ABL1: variants seen among roughly 807,000 people sequenced by gnomAD.
ABL1 encodes tyrosine-protein kinase ABL1.
ABL1 carries 11 observed loss-of-function variants against 94.7 expected under a neutral mutation model. The observed-to-expected ratio is 0.12, with a 90% CI of 0.07 to 0.19. The LOEUF (loss-of-function observed/expected upper bound fraction) is 0.19. Among genes scored for constraint, ABL1 ranks in the 10% least tolerant of loss-of-function variants. The pLI is 1.00. For synonymous variants in ABL1, 656 were observed against 622.4 expected (o/e 1.05, Z -0.80); for missense variants, 1,082 against 1,489.4 (o/e 0.73, Z 4.50).
chr9:130,859,111 CAT>C (rs1366921492), intron 3 of ABL1, among the ~76,000 whole-genome samples: 5 of 152,220 alleles, frequency 3.3e-5, no homozygotes, highest in African/African-American at 1.2e-4. Context: ...CCTCTGTTGA[CAT>C]AGCGGAATTG....
chr9:130,844,396 C>T (rs1427982839), intron 1 of ABL1, among the ~76,000 whole-genome samples: 3 of 152,136 alleles, frequency 2.0e-5, no homozygotes, highest in Admixed American at 1.3e-4. Flanking sequence ...TCAGAATGGC[C>T]TTGAAGATAG....
rs141181174 is a variant in ABL1 at position 130,735,961 on chromosome 9, A to ATTTTT, written c.136+21514_136+21518dup. ...TATATATATATATATATATATATATATTTTTTTTTTTTAAGACAGGGTCTG... is the reference window on the plus strand; with the variant it reads ...TATATATATATATATATATATATATATTTTTTTTTTTTTTTTTAAGACAGGGTCTG... On this transcript the variant is annotated intron_variant, in intron 1 of 10. Coordinates refer to the ABL1 transcript ENST00000372348. 1.2e-3 allele frequency among the ~76,000 whole-genome samples: 113 copies of ATTTTT among 94,836 alleles called. 7 individuals are homozygous for ATTTTT. The highest frequency in any genetic ancestry group is 5.9e-3 in the African/African-American group (93 of 15,684). The allele number at this position is 94,836 out of a possible 152,430, so 62.2% of individuals were successfully genotyped here.
intron 1 of ABL1, among the ~76,000 whole-genome samples, chr9:130,727,166 T>G (rs1386284966): frequency 6.6e-6 from 1 of 152,220 alleles, no homozygotes; most frequent in East Asian, 1.9e-4. Flanking sequence ...TGTTTCATGC[T>G]TTTGTTTAAA....
At chr9:130,883,928 A>AGAGTTGTCTG (rs1468104458) in intron 10 of ABL1, 41 bp from the exon 11 acceptor site, 14 of 1,568,246 alleles carry the variant, frequency 8.9e-6, no homozygotes, top group African/African-American at 1.4e-5. Flanking sequence ...GTCAGCCTCT[A>AGAGTTGTCTG]GAGTTGTCTG....
At chr9:130,730,810 C>T (rs1831654819) in intron 1 of ABL1, among the ~76,000 whole-genome samples, 1 of 150,242 alleles carries the variant, frequency 6.7e-6, no homozygotes, top group Non-Finnish European at 1.5e-5. Flanking sequence ...GAGGTCAAAC[C>T]ATCCACCCAC....
At position 130,880,299 on chromosome 9, in the gene ABL1, A is replaced by C; in HGVS notation, c.1513+142A>C. On this transcript the variant is annotated intron_variant, in intron 9 of 10. Transcript: ENST00000318560. The surrounding 1 kb of genome is among the most constrained non-coding windows in gnomAD (Gnocchi z 4.4). The stretch of plus-strand genomic sequence containing the variant: ...ACCAGAAAGCTGGGCAGAGGTGTGG[A>C]GTATTGTGCTTTCTTGTCTGCTGCA... The C allele has an allele frequency of 9.1e-7, 1 of 1,103,368 alleles. No individual in the cohort carries two copies. The highest frequency in any genetic ancestry group is 2.4e-5 in the East Asian group (1 of 41,626). The allele number at this position is 1,103,368 out of a possible 1,614,324, so 68.3% of individuals were successfully genotyped here. A position where few individuals can be genotyped will look rare whatever the true frequency, so the allele number is the denominator to read the frequency against.
chr9:130,814,653 G>T lies in ABL1; in HGVS notation c.137-39411G>T, dbSNP rs34902387. On this transcript the variant is annotated intron_variant, in intron 1 of 10. Coordinates refer to the ABL1 transcript ENST00000372348. This position sits in a 1 kb window ranked among gnomAD's most constrained non-coding sequence, Gnocchi z 4.4. ...AGCACTTTGGTAGGCCGAGGTGGGC[G>T]GATCACGAGGTCAGGAGACCGAGAC... is the stretch of plus-strand genomic sequence containing the variant. Among the ~76,000 whole-genome samples, 2 of 152,082 alleles carry T rather than the reference G, an allele frequency of 1.3e-5. No individual in the cohort carries two copies. Among genetic ancestry groups the T allele is most frequent in the East Asian group, 3.9e-4 (2 of 5,176 alleles).
intron 1 of ABL1, among the ~76,000 whole-genome samples, chr9:130,718,593 G>A (rs976974464): frequency 6.6e-6 from 1 of 152,134 alleles, no homozygotes; most frequent in African/African-American, 2.4e-5. Context: ...AGATTAAAAA[G>A]TTTGAGGCCA....
chr9:130,725,759 T>TTG (rs577311267), intron 1 of ABL1, among the ~76,000 whole-genome samples: 1 of 151,432 alleles, frequency 6.6e-6, no homozygotes, highest in Admixed American at 6.6e-5. Context: ...TAATATCCCA[T>TTG]TGTGTGTGTA....
At chr9:130,849,125 A>G (rs1334359226) in intron 1 of ABL1, among the ~76,000 whole-genome samples, 3 of 152,164 alleles carry the variant, frequency 2.0e-5, no homozygotes, top group Non-Finnish European at 4.4e-5. Context: ...TCAAACTTAA[A>G]TATTTTTTCC....
intron 1 of ABL1, among the ~76,000 whole-genome samples, chr9:130,815,109 G>GGGCA (rs1830265262): frequency 6.6e-6 from 1 of 151,970 alleles, no homozygotes; most frequent in Non-Finnish European, 1.5e-5. Flanking sequence ...TGAGGCAGGT[G>GGGCA]GATCACCTGA....
intron 1 of ABL1, among the ~76,000 whole-genome samples, chr9:130,812,550 TAAAC>T (rs144479141): frequency 0.036 from 5,429 of 152,242 alleles, 301 homozygotes; most frequent in African/African-American, 0.12. Flanking sequence ...AGTGGCATAT[TAAAC>T]AAACTATATT....
intron 1 of ABL1, among the ~76,000 whole-genome samples, chr9:130,836,716 TCGGGAGG>T (rs1035326644): frequency 9.3e-5 from 14 of 150,754 alleles, no homozygotes; most frequent in Admixed American, 3.3e-4. Flanking sequence ...TCCCAGCTAC[TCGGGAGG>T]CTGAGGCAGG....
intron 7 of ABL1, among the ~76,000 whole-genome samples, chr9:130,875,591 GT>G (rs1358201171): frequency 6.6e-6 from 1 of 152,010 alleles, no homozygotes; most frequent in Non-Finnish European, 1.5e-5. Flanking sequence ...CATCCTTAGA[GT>G]TTCGTACGTT....
intron 1 of ABL1, among the ~76,000 whole-genome samples, chr9:130,726,577 T>C (rs773783968): frequency 1.3e-5 from 2 of 152,240 alleles, no homozygotes; most frequent in Non-Finnish European, 1.5e-5. Flanking sequence ...AAAAAATTTG[T>C]TAACTTTCTC....
chr9:130,781,291 CA>C (rs1243563161), intron 1 of ABL1, among the ~76,000 whole-genome samples: 2 of 152,168 alleles, frequency 1.3e-5, no homozygotes, highest in African/African-American at 4.8e-5. Context: ...ACAGGATACA[CA>C]GTAGGGTGAT....
chr9:130,792,312 A>T (rs999383864), intron 1 of ABL1, among the ~76,000 whole-genome samples: 3 of 152,024 alleles, frequency 2.0e-5, no homozygotes, highest in Non-Finnish European at 2.9e-5. Context: ...CAACTAGAGG[A>T]TTTTACTTTC....
Position 130,885,692 on chromosome 9 carries a change from A to G in ABL1, c.*9A>G, listed in dbSNP as rs755915481. 1 of 1,604,190 alleles carries G rather than the reference A, an allele frequency of 6.2e-7. No homozygotes were observed. The highest frequency in any genetic ancestry group is 8.5e-7 in the Non-Finnish European group (1 of 1,174,462). On this transcript the variant is annotated 3_prime_UTR_variant, in exon 11 of 11. Transcript: ENST00000318560. ...ACATAGTGCAGAGGTAGCAGCAGTCAGGGGTCAGGTGTCAGGCCCGTCGGA... is the reference window on the plus strand; with the variant it reads ...ACATAGTGCAGAGGTAGCAGCAGTCGGGGGTCAGGTGTCAGGCCCGTCGGA...
intron 1 of ABL1, among the ~76,000 whole-genome samples, chr9:130,795,202 A>T (rs2132815335): frequency 6.6e-6 from 1 of 152,292 alleles, no homozygotes; most frequent in East Asian, 1.9e-4. Flanking sequence ...CTAGTTTGCC[A>T]CTGAGTATTT....
Sources: gnomAD v4.1 joint callset for allele counts (sites outside exome capture counted in the v4.1 genomes callset) on GRCh38, gnomAD v4.1.1 for gene constraint, Gnocchi (gnomAD v3.1) non-coding constraint, MANE v1.5 for transcripts, NCBI Gene and HGNC (gene_info 2026-07-23, HGNC 2026-07-21) for gene names.